The following AGBL1 variants were observed in gnomAD, a reference collection of about 807,000 sequenced individuals.
The protein encoded by AGBL1 is cytosolic carboxypeptidase 4.
A neutral mutation model predicts 118.9 loss-of-function variants in AGBL1; 130 were observed. The observed-to-expected ratio is 1.09, with a 90% CI of 0.95 to 1.26. The LOEUF is 1.26. Ranked by LOEUF, AGBL1 falls within the 50% of genes most tolerant of loss-of-function variation. The pLI is 0.00. For missense variants in AGBL1, 1,584 were observed against 1,298.1 expected (o/e 1.22, Z -3.38); for synonymous variants, 555 against 478.9 (o/e 1.16, Z -2.08).
chr15:86,484,272 T>C (rs562128842), intron 18 of AGBL1, among the ~76,000 whole-genome samples: 1 of 152,174 alleles, frequency 6.6e-6, no homozygotes, highest in African/African-American at 2.4e-5. Context: ...AGGAGATGAA[T>C]GAAGCAAGGC....
intron 18 of AGBL1, among the ~76,000 whole-genome samples, chr15:86,508,868 T>C (rs1356676495): frequency 6.6e-6 from 1 of 152,166 alleles, no homozygotes; most frequent in African/African-American, 2.4e-5. Flanking sequence ...AGAACTGCTT[T>C]TAAAAAATGC....
chr15:86,158,950 C>T lies in AGBL1; in HGVS notation c.412C>T (p.Leu138=). ...TTTCTTAGTCTCCATGGGAGCCATG[C>T]TGGGAATTAATGGAGCCATGGAACT... ...FASSVSMGAM[L]GINGAMELLF... The change falls in exon 5 of 23, where the codon CTG becomes TTG. Residue 138 remains leucine, a synonymous_variant. Coordinates refer to ENST00000614907, the MANE Select transcript of AGBL1 (RefSeq NM_001386094.1). 1 of 1,613,266 alleles carries T rather than the reference C, an allele frequency of 6.2e-7. No homozygotes were observed.
At chr15:86,199,038 C>T (rs75058360) in intron 5 of AGBL1, among the ~76,000 whole-genome samples, 1,867 of 152,262 alleles carry the variant, frequency 0.012, 22 homozygotes, top group East Asian at 0.058. Flanking sequence ...CGCTTTAATA[C>T]TTACCAAATG....
chr15:86,120,370 C>T (rs1405174096), intron 1 of AGBL1, among the ~76,000 whole-genome samples: 2 of 152,206 alleles, frequency 1.3e-5, no homozygotes, highest in Non-Finnish European at 2.9e-5. Flanking sequence ...GAGCCTGTCT[C>T]CAGGATGCCC....
chr15:87,022,050 T>A (rs977701663), intron 24 of AGBL1, among the ~76,000 whole-genome samples: 1 of 151,880 alleles, frequency 6.6e-6, no homozygotes, highest in Non-Finnish European at 1.5e-5. Flanking sequence ...AAGATAACAA[T>A]CACTACAGCT....
chr15:86,540,086 G>T (rs999069298), intron 19 of AGBL1, among the ~76,000 whole-genome samples: 2 of 152,066 alleles, frequency 1.3e-5, no homozygotes, highest in Non-Finnish European at 2.9e-5. Context: ...AGTGTTCTCG[G>T]CCACAAAATG....
intron 5 of AGBL1, among the ~76,000 whole-genome samples, chr15:86,194,918 T>C (rs75942892): frequency 0.027 from 4,147 of 152,308 alleles, 75 homozygotes; most frequent in East Asian, 0.073. Flanking sequence ...ACTGTAGAAC[T>C]TGATACAAAT....
chr15:86,534,755 C>G (rs1432352041), intron 19 of AGBL1, among the ~76,000 whole-genome samples: 1 of 152,114 alleles, frequency 6.6e-6, no homozygotes, highest in Non-Finnish European at 1.5e-5. Flanking sequence ...ATCTCATAAA[C>G]ATTATATTGA....
At chr15:86,780,240 C>A (rs1226436819) in intron 22 of AGBL1, among the ~76,000 whole-genome samples, 1 of 152,162 alleles carries the variant, frequency 6.6e-6, no homozygotes, top group African/African-American at 2.4e-5. Flanking sequence ...GCCACCTTTG[C>A]CTTCACTGCC....
At chr15:86,177,437 A>G (rs1205250106) in intron 5 of AGBL1, among the ~76,000 whole-genome samples, 1 of 152,226 alleles carries the variant, frequency 6.6e-6, no homozygotes, top group East Asian at 1.9e-4. Context: ...AACACTATCA[A>G]TGAATGTGGC....
rs147544569 is a variant in AGBL1, at chr15:86,271,654, C to T, written c.2023C>T (p.Leu675Phe). ...CACCCTATATTCTGTGAAGGAGGCT[C>T]TTCTTGGCAAACCCACCTGGATAAG... Reference protein sequence around the residue: ...QPTLYSVKEALLGKPTWIRTG... With the variant: ...QPTLYSVKEAFLGKPTWIRTG... Residue 675 changes from leucine to phenylalanine, a missense_variant, in exon 15 of 23, where the codon CTT becomes TTT. Transcript: ENST00000614907. The T allele has an allele frequency of 4.3e-6, 7 of 1,613,248 alleles. No individual in the cohort carries two copies. The highest frequency in any genetic ancestry group is 2.2e-5 in the East Asian group (1 of 44,874).
intron 22 of AGBL1, among the ~76,000 whole-genome samples, chr15:86,868,731 T>A (rs1225205545): frequency 1.3e-5 from 2 of 152,216 alleles, no homozygotes. Flanking sequence ...CTGGTTTATA[T>A]CTGGGCTTAT....
chr15:86,116,114 T>C (rs1266476275), intron 1 of AGBL1, among the ~76,000 whole-genome samples: 3 of 152,230 alleles, frequency 2.0e-5, no homozygotes, highest in African/African-American at 7.2e-5. Context: ...CATTGTGCTA[T>C]GTTATTTGCA....
intron 21 of AGBL1, among the ~76,000 whole-genome samples, chr15:86,612,524 G>C (rs2084671772): frequency 1.3e-5 from 2 of 152,074 alleles, no homozygotes; most frequent in Admixed American, 1.3e-4. Context: ...CATTAAAACA[G>C]AGATCTTAAG....
intron 18 of AGBL1, among the ~76,000 whole-genome samples, chr15:86,487,329 C>G (rs910128999): frequency 7.9e-5 from 12 of 152,014 alleles, no homozygotes; most frequent in South Asian, 2.1e-4. Flanking sequence ...GCACCCCAGC[C>G]CATGGAAGAT....
rs549195202 is a variant in AGBL1, at chr15:86,592,951, C to T, written c.2994+38414C>T. On this transcript the variant is annotated intron_variant, in intron 21 of 22. Transcript: ENST00000614907. The stretch of plus-strand genomic sequence containing the variant: ...AACAAAACCACTGGTTTAACATCCC[C>T]TTGGGATTTTCTAACTTCATCGTTA... Among the ~76,000 whole-genome samples, 94 of 152,278 alleles carry T rather than the reference C, an allele frequency of 6.2e-4. 4 individuals are homozygous for T. In the South Asian group the frequency reaches 0.019, roughly 30 times the overall value.
intron 22 of AGBL1, among the ~76,000 whole-genome samples, chr15:86,681,381 A>T (rs1288915706): frequency 6.6e-6 from 1 of 152,132 alleles, no homozygotes; most frequent in Non-Finnish European, 1.5e-5. Flanking sequence ...CATTTGGATC[A>T]GTTATCTTTT....
At chr15:87,017,283 C>G (rs941389718) in intron 24 of AGBL1, among the ~76,000 whole-genome samples, 6 of 152,120 alleles carry the variant, frequency 3.9e-5, no homozygotes, top group Admixed American at 2.6e-4. Flanking sequence ...CCAAAAAAAA[C>G]CAGACTGCTT....
chr15:86,600,346 A>G (rs1437475276), intron 21 of AGBL1, among the ~76,000 whole-genome samples: 1 of 152,162 alleles, frequency 6.6e-6, no homozygotes, highest in East Asian at 1.9e-4. Context: ...CACACATGGA[A>G]TCTTCCAGAA....
Sources: gnomAD v4.1 joint callset for allele counts (sites outside exome capture counted in the v4.1 genomes callset) on GRCh38, gnomAD v4.1.1 for gene constraint, MANE v1.5 for transcripts, NCBI Gene and HGNC (gene_info 2026-07-23, HGNC 2026-07-21) for gene names.